The following ATP8B1 variants were observed in gnomAD, a reference collection of about 807,000 sequenced individuals.
The protein encoded by ATP8B1 is ATPase phospholipid transporting 8B1, also known as phospholipid-transporting ATPase IC.
Under a neutral mutation model 149.9 loss-of-function variants are expected in ATP8B1, and 80 were observed. That is an observed-to-expected ratio of 0.53 (90% CI 0.45 to 0.64). The LOEUF (loss-of-function observed/expected upper bound fraction) is 0.64. ATP8B1 is among the 30% of genes least tolerant of loss of function. The pLI, the probability that ATP8B1 is intolerant of heterozygous loss-of-function variation, is 0.00. For synonymous variants in ATP8B1, 536 were observed against 562.8 expected (o/e 0.95, Z 0.67); for missense variants, 1,247 against 1,552.6 (o/e 0.80, Z 3.31).
chr18:57,714,531 C>A (rs909476461), intron 2 of ATP8B1, among the ~76,000 whole-genome samples: 12 of 149,698 alleles, frequency 8.0e-5, no homozygotes, highest in African/African-American at 2.2e-4. Flanking sequence ...TCTCCACCCC[C>A]CTAGCTCTGG....
chr18:57,704,685 G>A lies in ATP8B1; in HGVS notation c.280-17C>T. The A allele has an allele frequency of 6.7e-7, 1 of 1,487,468 alleles. No individual in the cohort carries two copies. Among genetic ancestry groups the A allele is most frequent in the Non-Finnish European group, 9.4e-7 (1 of 1,065,928 alleles). 92.1% of individuals were successfully genotyped at this position (1,487,468 alleles called of 1,614,324 possible). ...TGCATTATTCTGTTGGAAAAAATAA[G>A]AGTCATTCTAAATGATGCTGTATTT... On this transcript the variant is annotated splice_polypyrimidine_tract_variant and intron_variant, in intron 3 of 27. Transcript: ENST00000648908.
At chr18:57,694,477 A>G (rs1325061196) in intron 11 of ATP8B1, 105 bp downstream of exon 11, 31 of 802,500 alleles carry the variant, frequency 3.9e-5, no homozygotes, top group Non-Finnish European at 5.1e-5. Flanking sequence ...TAATTTTTCT[A>G]TTCCACCTAA....
intron 2 of ATP8B1, among the ~76,000 whole-genome samples, chr18:57,730,802 CATATATATATATATATATAT>C (rs927338067): frequency 1.8e-4 from 2 of 11,070 alleles, no homozygotes; most frequent in Non-Finnish European, 2.4e-4. Flanking sequence ...AGACCATATA[CATATATATATATATATATAT>C]ATATATATAT....
chr18:57,676,760 A>C (rs532351535), intron 15 of ATP8B1, among the ~76,000 whole-genome samples: 4 of 152,072 alleles, frequency 2.6e-5, no homozygotes, highest in South Asian at 2.1e-4. Flanking sequence ...AAGTTGAAAC[A>C]AACCAACCAA....
chr18:57,658,136 T>A (rs1910135600), intron 22 of ATP8B1, among the ~76,000 whole-genome samples: 1 of 151,950 alleles, frequency 6.6e-6, no homozygotes, highest in Non-Finnish European at 1.5e-5. Flanking sequence ...AACCTCTGCC[T>A]CCTGGGTTCC....
intron 1 of ATP8B1, among the ~76,000 whole-genome samples, chr18:57,788,564 AAAAG>A (rs1340380515): frequency 5.3e-5 from 8 of 151,574 alleles, no homozygotes; most frequent in African/African-American, 9.7e-5. Context: ...TCAAAAAAAA[AAAAG>A]AAAGAAAGGA....
At chr18:57,754,689 G>T (rs1391816474) in intron 1 of ATP8B1, among the ~76,000 whole-genome samples, 2 of 152,110 alleles carry the variant, frequency 1.3e-5, no homozygotes, top group East Asian at 1.9e-4. Context: ...ACACTTCAGG[G>T]ACAGCTGAGA....
chr18:57,675,536 C>T (rs765468694), intron 15 of ATP8B1, among the ~76,000 whole-genome samples: 1 of 152,074 alleles, frequency 6.6e-6, no homozygotes, highest in Non-Finnish European at 1.5e-5. Context: ...CTTTAATAAC[C>T]CTTTTGTATG....
At position 57,647,379 on chromosome 18, in the gene ATP8B1, T is replaced by G. The variant is rs1909240967; in HGVS notation, c.*1109A>C. ...TTATGGAATCTGAAGTTATTTTCCTTGATTAAATAGAATTAATAAACCAAT... is the reference window on the plus strand; with the variant it reads ...TTATGGAATCTGAAGTTATTTTCCTGGATTAAATAGAATTAATAAACCAAT... On this transcript the variant is annotated 3_prime_UTR_variant, in exon 28 of 28. Transcript: ENST00000648908. 6.6e-6 allele frequency: 1 copy of G among 152,218 alleles called. No homozygotes were observed. 9.4% of individuals were successfully genotyped at this position (152,218 alleles called of 1,614,324 possible). A position where few individuals can be genotyped will look rare whatever the true frequency, so the allele number is the denominator to read the frequency against.
chr18:57,727,251 A>G (rs887641407), intron 2 of ATP8B1, among the ~76,000 whole-genome samples: 2 of 152,122 alleles, frequency 1.3e-5, no homozygotes, highest in African/African-American at 2.4e-5. Flanking sequence ...GTAATTTACA[A>G]CCGATCAGAG....
chr18:57,648,356 G>A lies in ATP8B1; in HGVS notation c.*132C>T, dbSNP rs745786597. The A allele has an allele frequency of 5.5e-6, 6 of 1,083,620 alleles. No individual in the cohort carries two copies. The highest frequency in any genetic ancestry group is 1.9e-5 in the Admixed American group (1 of 51,328). 67.1% of individuals were successfully genotyped at this position (1,083,620 alleles called of 1,614,324 possible). On this transcript the variant is annotated 3_prime_UTR_variant, in exon 28 of 28. Coordinates refer to ENST00000648908, the MANE Select transcript of ATP8B1 (RefSeq NM_001374385.1). ...TTTAATAGTCCAACCCAAGGAGTTT[G>A]TTATAAAGATTATTTATTGTCTTCA...
At chr18:57,748,338 T>C (rs548113701) in intron 1 of ATP8B1, among the ~76,000 whole-genome samples, 1 of 152,326 alleles carries the variant, frequency 6.6e-6, no homozygotes, top group South Asian at 2.1e-4. Flanking sequence ...ATAAAATCCC[T>C]TGGAGACATG....
intron 24 of ATP8B1, among the ~76,000 whole-genome samples, chr18:57,653,333 G>A (rs573144188): frequency 1.9e-3 from 249 of 134,528 alleles, no homozygotes; most frequent in Non-Finnish European, 2.9e-3. Flanking sequence ...TGCCCAGCCC[G>A]GAGTGCAGTG....
chr18:57,745,300 C>A (rs995596243), intron 1 of ATP8B1, among the ~76,000 whole-genome samples: 46 of 151,676 alleles, frequency 3.0e-4, no homozygotes, highest in African/African-American at 1.1e-3. Context: ...GAGACAGTGT[C>A]TTGCTCTGTC....
rs1912542964 is a variant in ATP8B1 at position 57,691,802 on chromosome 18, C to T, written c.1220+5G>A. 1.2e-6 allele frequency: 2 copies of T among 1,614,082 alleles called. No individual in the cohort carries two copies. Among genetic ancestry groups the T allele is most frequent in the African/African-American group, 2.7e-5 (2 of 75,044 alleles). On this transcript the variant is annotated splice_donor_5th_base_variant and intron_variant, in intron 12 of 27. Coordinates refer to ENST00000648908, the MANE Select transcript of ATP8B1 (RefSeq NM_001374385.1). ...AAAGCAAAATGCCAGAGAGGACAGC[C>T]TTACCTGACATAGAGAGAGATGGGT...
At chr18:57,675,520 GT>G (rs1555690554) in intron 15 of ATP8B1, among the ~76,000 whole-genome samples, 1 of 152,096 alleles carries the variant, frequency 6.6e-6, no homozygotes, top group Non-Finnish European at 1.5e-5. Flanking sequence ...CTCTCAAAAA[GT>G]CACACTTTAA....
chr18:57,735,045 G>A (rs1194615304), intron 1 of ATP8B1: 2 of 152,226 alleles, frequency 1.3e-5, no homozygotes, highest in South Asian at 2.1e-4. Context: ...GACAAGGATC[G>A]GGATATAAAC....
rs1378742400 is a variant in ATP8B1, at chr18:57,729,131, G to A, written c.181+2496C>T. On this transcript the variant is annotated intron_variant, in intron 2 of 27. Coordinates refer to ENST00000648908, the MANE Select transcript of ATP8B1 (RefSeq NM_001374385.1). ...CTAACCACCAGAATGGGCAGGCAGAGTTGTAAAAAAACAGGGGATGAGAGT... is the reference window on the plus strand; with the variant it reads ...CTAACCACCAGAATGGGCAGGCAGAATTGTAAAAAAACAGGGGATGAGAGT... 2.6e-5 allele frequency among the ~76,000 whole-genome samples: 4 copies of A among 152,154 alleles called. No homozygotes were observed. In the East Asian group the frequency reaches 5.8e-4, roughly 22 times the overall value.
intron 1 of ATP8B1, among the ~76,000 whole-genome samples, chr18:57,760,251 T>C (rs567588311): frequency 1.3e-5 from 2 of 152,340 alleles, no homozygotes; most frequent in South Asian, 2.1e-4. Flanking sequence ...AATAATATCA[T>C]GATTAACAAA....
Sources: gnomAD v4.1 joint callset for allele counts (sites outside exome capture counted in the v4.1 genomes callset) on GRCh38, gnomAD v4.1.1 for gene constraint, MANE v1.5 for transcripts, NCBI Gene and HGNC (gene_info 2026-07-23, HGNC 2026-07-21) for gene names.